WWOX: variants seen among roughly 807,000 people sequenced by gnomAD.
The protein encoded by WWOX is WW domain-containing oxidoreductase.
In WWOX, 69 loss-of-function variants were observed where a neutral mutation model predicts 46.2. That is an observed-to-expected ratio of 1.49 (90% confidence interval 1.23 to 1.82). The LOEUF (loss-of-function observed/expected upper bound fraction) is 1.82. Among genes scored for constraint, WWOX ranks in the 40% most tolerant of loss-of-function variants. The pLI is 0.00. For missense variants in WWOX, 919 were observed against 542.6 expected (o/e 1.69, Z -6.89); for synonymous variants, 359 against 202.6 (o/e 1.77, Z -6.56).
At chr16:78,314,836 G>C (rs1052570272) in intron 5 of WWOX, among the ~76,000 whole-genome samples, 2 of 151,658 alleles carry the variant, frequency 1.3e-5, no homozygotes, top group Non-Finnish European at 2.9e-5. Context: ...ACAGGCATGA[G>C]CCATCACGCC....
chr16:78,815,886 A>G (rs536978364), intron 8 of WWOX, among the ~76,000 whole-genome samples: 1 of 152,172 alleles, frequency 6.6e-6, no homozygotes, highest in Admixed American at 6.5e-5. Context: ...GTGACTTCCA[A>G]GATATATACA....
intron 3 of WWOX, among the ~76,000 whole-genome samples, chr16:78,111,289 A>G (rs2032475195): frequency 6.6e-6 from 1 of 152,246 alleles, no homozygotes; most frequent in Non-Finnish European, 1.5e-5. Flanking sequence ...TAGTCATAAT[A>G]CAGGTTAGAT....
At position 78,228,851 on chromosome 16, in the gene WWOX, G is replaced by A. The variant is rs532073375; in HGVS notation, c.516+64562G>A. On this transcript the variant is annotated intron_variant, in intron 5 of 8. Transcript: ENST00000566780. ...TGTGGAAATACTCTACCTGGGTGAGGCTCTCGTGGCTTTTTGTGCCAAGTG... is the reference window on the plus strand; with the variant it reads ...TGTGGAAATACTCTACCTGGGTGAGACTCTCGTGGCTTTTTGTGCCAAGTG... 9.9e-5 allele frequency among the ~76,000 whole-genome samples: 15 copies of A among 152,250 alleles called. No individual in the cohort carries two copies. In the South Asian group the frequency reaches 2.7e-3, roughly 27 times the overall value.
chr16:78,844,933 G>C (rs7498176), intron 8 of WWOX, among the ~76,000 whole-genome samples: 106,674 of 151,958 alleles, frequency 0.7, 37,810 homozygotes, highest in Middle Eastern at 0.76. Flanking sequence ...TTGGCCCTGA[G>C]AGAACAACAA....
At chr16:79,141,865 C>T (rs1392132936) in intron 8 of WWOX, among the ~76,000 whole-genome samples, 1 of 149,160 alleles carries the variant, frequency 6.7e-6, no homozygotes, top group African/African-American at 2.5e-5. Flanking sequence ...TGCTTCTTGG[C>T]GTTGTGATTA....
intron 8 of WWOX, among the ~76,000 whole-genome samples, chr16:78,605,457 C>T (rs867784565): frequency 3.9e-5 from 6 of 152,024 alleles, no homozygotes; most frequent in Admixed American, 2.0e-4. Context: ...AAGGCAAGAC[C>T]ACTCCAGCCT....
intron 8 of WWOX, among the ~76,000 whole-genome samples, chr16:78,703,160 G>A (rs1012829258): frequency 3.9e-5 from 6 of 152,206 alleles, no homozygotes; most frequent in African/African-American, 1.4e-4. Context: ...GGGTGGTCGT[G>A]AGTTTTTATG....
chr16:78,989,057 A>G (rs1030714608), intron 8 of WWOX, among the ~76,000 whole-genome samples: 3 of 152,318 alleles, frequency 2.0e-5, no homozygotes, highest in South Asian at 2.1e-4. Flanking sequence ...AGAGTAAGCC[A>G]TTTAACTTGT....
At chr16:78,244,094 C>A (rs1229579587) in intron 5 of WWOX, among the ~76,000 whole-genome samples, 1 of 152,164 alleles carries the variant, frequency 6.6e-6, no homozygotes, top group Non-Finnish European at 1.5e-5. Flanking sequence ...CTGGGGGTGT[C>A]AGTCTTGGCT....
At position 78,904,021 on chromosome 16, in the gene WWOX, C is replaced by G. The variant is rs577485683; in HGVS notation, c.1057-307587C>G. The stretch of plus-strand genomic sequence containing the variant: ...CCTATAAGCTATAATCATATATCAT[C>G]AACACCTTTACCCTGTTATTAACGT... On this transcript the variant is annotated intron_variant, in intron 8 of 8. Transcript: ENST00000566780. 3.3e-5 allele frequency among the ~76,000 whole-genome samples: 5 copies of G among 152,222 alleles called. No homozygotes were observed. In the South Asian group the frequency reaches 1.0e-3, roughly 32 times the overall value.
At chr16:78,504,946 G>A (rs865800456) in intron 8 of WWOX, among the ~76,000 whole-genome samples, 3 of 152,062 alleles carry the variant, frequency 2.0e-5, no homozygotes, top group East Asian at 1.9e-4. Flanking sequence ...AGGACTCCCC[G>A]GAAAAGAATG....
intron 8 of WWOX, among the ~76,000 whole-genome samples, chr16:78,440,612 G>GTTTTTTTTTTTT (rs57345113): frequency 6.9e-6 from 1 of 144,624 alleles, no homozygotes; most frequent in Non-Finnish European, 1.5e-5. Flanking sequence ...AATTTCTGTA[G>GTTTTTTTTTTTT]TTTTTTTTTT....
chr16:78,672,127 G>A (rs1181502420), intron 8 of WWOX, among the ~76,000 whole-genome samples: 1 of 152,018 alleles, frequency 6.6e-6, no homozygotes, highest in Admixed American at 6.5e-5. Context: ...ATACCGGCAG[G>A]GCAGCAAATA....
intron 5 of WWOX, among the ~76,000 whole-genome samples, chr16:78,177,339 G>A (rs886969922): frequency 6.6e-6 from 1 of 152,180 alleles, no homozygotes; most frequent in East Asian, 1.9e-4. Flanking sequence ...GGTGACACAA[G>A]ATAGTCTAGA....
chr16:79,167,872 G>A (rs2050625295), intron 8 of WWOX, among the ~76,000 whole-genome samples: 1 of 152,074 alleles, frequency 6.6e-6, no homozygotes, highest in South Asian at 2.1e-4. Context: ...CCCCAGAAAA[G>A]CATACACATA....
chr16:78,960,727 A>C (rs1420355913), intron 8 of WWOX, among the ~76,000 whole-genome samples: 1 of 152,204 alleles, frequency 6.6e-6, no homozygotes, highest in Admixed American at 6.6e-5. Flanking sequence ...CAGTAGAGGT[A>C]CACAGCACTT....
At chr16:79,198,294 C>T (rs933005075) in intron 8 of WWOX, among the ~76,000 whole-genome samples, 3 of 152,078 alleles carry the variant, frequency 2.0e-5, no homozygotes, top group Admixed American at 1.3e-4. Context: ...GCCGAGATTG[C>T]GCCACTGTAC....
At chr16:78,418,850 A>G (rs8056002) in intron 6 of WWOX, among the ~76,000 whole-genome samples, 2,250 of 152,260 alleles carry the variant, frequency 0.015, 48 homozygotes, top group East Asian at 0.063. Context: ...ATTAATGCTG[A>G]AAGATTGAGT....
chr16:78,859,009 A>G (rs1304541298), intron 8 of WWOX, among the ~76,000 whole-genome samples: 11 of 41,304 alleles, frequency 2.7e-4, no homozygotes, highest in Non-Finnish European at 5.4e-4. Flanking sequence ...TTTAAAAAAA[A>G]AAAAAAAAAA....
Sources: allele counts gnomAD v4.1 joint callset (sites outside exome capture counted in the v4.1 genomes callset), GRCh38; gene constraint gnomAD v4.1.1; transcripts MANE v1.5; gene names NCBI Gene and HGNC (gene_info 2026-07-23, HGNC 2026-07-21).